The following GPATCH2 variants were observed in gnomAD, a reference collection of about 807,000 sequenced individuals.
GPATCH2 encodes the protein G-patch domain containing 2.
A neutral mutation model predicts 58.0 loss-of-function variants in GPATCH2; 51 were observed. The ratio of observed to expected loss-of-function variants is 0.88; its 90% CI spans 0.70 to 1.11. GPATCH2 has a LOEUF of 1.11. GPATCH2 is among the 50% of genes most tolerant of loss of function. GPATCH2 has a pLI of 0.00. For missense variants in GPATCH2, 625 were observed against 652.2 expected (o/e 0.96, Z 0.45); for synonymous variants, 222 against 218.5 (o/e 1.02, Z -0.14).
rs553953238 is a variant in GPATCH2 at position 217,610,292 on chromosome 1, T to A, written c.1098+29A>T. 1.9e-5 allele frequency: 28 copies of A among 1,500,044 alleles called. No individual in the cohort carries two copies. The East Asian group carries it at 2.0e-4, about 11-fold the overall frequency. The allele number at this position is 1,500,044 out of a possible 1,614,324, so 92.9% of individuals were successfully genotyped here. On this transcript the variant is annotated intron_variant, in intron 5 of 9. Coordinates refer to ENST00000366935, the MANE Select transcript of GPATCH2 (RefSeq NM_018040.5). ...ATAGAAATGGAAACATTTCCAAACA[T>A]GACAATTACACAGAAAAAGTATGCC...
At chr1:217,498,419 T>C in intron 6 of GPATCH2, 24 bp from the exon 7 acceptor site, 1 of 1,604,064 alleles carries the variant, frequency 6.2e-7, no homozygotes, top group South Asian at 1.1e-5. Flanking sequence ...AAAAAGGCAG[T>C]TAGAGGGAAC....
chr1:217,434,005 A>G (rs545432377), intron 9 of GPATCH2, among the ~76,000 whole-genome samples: 4 of 152,328 alleles, frequency 2.6e-5, no homozygotes, highest in African/African-American at 9.6e-5. Flanking sequence ...GCATTTCAAG[A>G]CCAAGAAGAA....
chr1:217,504,557 T>A (rs1662460343), intron 6 of GPATCH2, among the ~76,000 whole-genome samples: 1 of 152,110 alleles, frequency 6.6e-6, no homozygotes, highest in Admixed American at 6.6e-5. Context: ...TCTATAAGTG[T>A]TAGTTGTGTG....
intron 5 of GPATCH2, among the ~76,000 whole-genome samples, chr1:217,521,231 T>C (rs1031829558): frequency 1.3e-5 from 2 of 151,936 alleles, no homozygotes; most frequent in African/African-American, 2.4e-5. Context: ...TCTCAAATAA[T>C]AGTGAAGAAA....
chr1:217,447,283 A>G (rs943568742), intron 9 of GPATCH2, among the ~76,000 whole-genome samples: 2 of 152,224 alleles, frequency 1.3e-5, no homozygotes, highest in African/African-American at 2.4e-5. Flanking sequence ...AGTGCGTTTA[A>G]GTCAGCATAT....
intron 8 of GPATCH2, among the ~76,000 whole-genome samples, chr1:217,471,790 A>G (rs964318767): frequency 5.3e-5 from 8 of 152,150 alleles, no homozygotes; most frequent in African/African-American, 1.4e-4. Flanking sequence ...TCTTCTCACT[A>G]TTAATAGACA....
chr1:217,452,875 T>C lies in GPATCH2; in HGVS notation c.1278-3538A>G, dbSNP rs116557895. On this transcript the variant is annotated intron_variant, in intron 8 of 9. Transcript: ENST00000366935. ...GCCATAAGAAAAACAGCTAGCTGTA[T>C]ATTTCAGTAATTCTATCAAGAATTG... Among the ~76,000 whole-genome samples, 633 of 152,262 alleles carry C rather than the reference T, an allele frequency of 4.2e-3. 6 individuals carry two copies. Among genetic ancestry groups the C allele is most frequent in the African/African-American group, 0.014 (587 of 41,538 alleles).
At chr1:217,490,153 G>A (rs1420423492) in intron 8 of GPATCH2, among the ~76,000 whole-genome samples, 1 of 152,104 alleles carries the variant, frequency 6.6e-6, no homozygotes, top group East Asian at 1.9e-4. Context: ...CAGGTACATA[G>A]TTCCAGGTTG....
intron 5 of GPATCH2, among the ~76,000 whole-genome samples, chr1:217,545,004 T>C (rs1046888059): frequency 1.3e-5 from 2 of 152,154 alleles, no homozygotes; most frequent in African/African-American, 4.8e-5. Context: ...CCCCTCTCCT[T>C]CTTGTTTTTC....
At chr1:217,497,235 C>A (rs1558435076) in intron 7 of GPATCH2, among the ~76,000 whole-genome samples, 1 of 151,970 alleles carries the variant, frequency 6.6e-6, no homozygotes, top group Non-Finnish European at 1.5e-5. Flanking sequence ...GGATAAGAAC[C>A]ATTTAGGAAA....
intron 6 of GPATCH2, among the ~76,000 whole-genome samples, chr1:217,509,863 T>A (rs1447379172): frequency 6.6e-6 from 1 of 152,128 alleles, no homozygotes; most frequent in Admixed American, 6.5e-5. Flanking sequence ...AATAATAATA[T>A]GATAAATACT....
chr1:217,582,349 T>C (rs1338084776), intron 5 of GPATCH2, among the ~76,000 whole-genome samples: 1 of 152,084 alleles, frequency 6.6e-6, no homozygotes, highest in Non-Finnish European at 1.5e-5. Flanking sequence ...TTTTAAAATT[T>C]TTACCAGGTA....
chr1:217,469,007 AGCTTTTTCAAG>A (rs1660601983), intron 8 of GPATCH2, among the ~76,000 whole-genome samples: 1 of 152,160 alleles, frequency 6.6e-6, no homozygotes, highest in African/African-American at 2.4e-5. Context: ...AAGTCATTAC[AGCTTTTTCAAG>A]GCTTCATGAA....
At chr1:217,565,220 C>T (rs1312138381) in intron 5 of GPATCH2, among the ~76,000 whole-genome samples, 4 of 152,054 alleles carry the variant, frequency 2.6e-5, no homozygotes. Flanking sequence ...TAGTCCAACG[C>T]TTAAATCTAT....
intron 5 of GPATCH2, among the ~76,000 whole-genome samples, chr1:217,593,291 C>A (rs566696708): frequency 6.6e-6 from 1 of 151,834 alleles, no homozygotes; most frequent in East Asian, 1.9e-4. Context: ...TTAGAAATTG[C>A]AATAAATTTT....
intron 9 of GPATCH2, among the ~76,000 whole-genome samples, chr1:217,447,137 C>T (rs1215539440): frequency 6.6e-6 from 1 of 152,150 alleles, no homozygotes; most frequent in Non-Finnish European, 1.5e-5. Context: ...AATTGCAAGA[C>T]TGATGACATG....
chr1:217,577,944 T>G (rs766394702), intron 5 of GPATCH2, among the ~76,000 whole-genome samples: 1 of 151,762 alleles, frequency 6.6e-6, no homozygotes, highest in Non-Finnish European at 1.5e-5. Flanking sequence ...ACGGGGTTTC[T>G]CCATGTTGGT....
At chr1:217,596,054 A>T (rs1667812880) in intron 5 of GPATCH2, among the ~76,000 whole-genome samples, 2 of 152,164 alleles carry the variant, frequency 1.3e-5, no homozygotes, top group African/African-American at 4.8e-5. Flanking sequence ...GATACCAAAG[A>T]ATAGGAGAGA....
chr1:217,462,086 G>C (rs182201103), intron 8 of GPATCH2, among the ~76,000 whole-genome samples: 160 of 152,236 alleles, frequency 1.1e-3, no homozygotes, highest in African/African-American at 3.6e-3. Flanking sequence ...TTATATTCAG[G>C]ATAGTTTTGA....
Sources: gnomAD v4.1 joint callset for allele counts (sites outside exome capture counted in the v4.1 genomes callset) on GRCh38, gnomAD v4.1.1 for gene constraint, MANE v1.5 for transcripts, NCBI Gene and HGNC (gene_info 2026-07-23, HGNC 2026-07-21) for gene names.